Variants in CYP2C18 observed in about 807,000 individuals in gnomAD.
CYP2C18 encodes the protein cytochrome P450 family 2 subfamily C member 18, also known as cytochrome P450 2C18.
A neutral mutation model predicts 41.3 loss-of-function variants in CYP2C18; 38 were observed. The observed-to-expected ratio is 0.92, with a 90% CI of 0.71 to 1.21. CYP2C18 has a LOEUF of 1.21. Among genes scored for constraint, CYP2C18 ranks in the 50% most tolerant of loss-of-function variants. The pLI, the probability that CYP2C18 is intolerant of heterozygous loss-of-function variation, is 0.00. For synonymous variants in CYP2C18, 236 were observed against 210.0 expected (o/e 1.12, Z -1.07); for missense variants, 635 against 591.4 (o/e 1.07, Z -0.77).
At chr10:94,724,724 T>C (rs1847708844) in intron 7 of CYP2C18, among the ~76,000 whole-genome samples, 191 bp downstream of exon 7, 1 of 152,074 alleles carries the variant, frequency 6.6e-6, no homozygotes, top group South Asian at 2.1e-4. Flanking sequence ...TATCTAGCAG[T>C]GTATGTCTTC....
intron 4 of CYP2C18, among the ~76,000 whole-genome samples, chr10:94,702,998 G>A (rs1285537902): frequency 6.6e-6 from 1 of 152,154 alleles, no homozygotes; most frequent in Non-Finnish European, 1.5e-5. Context: ...CCCCTCTTCT[G>A]CAGGTCTGCT....
Position 94,725,315 on chromosome 10 carries a change from T to C in CYP2C18, c.1149+782T>C, listed in dbSNP as rs534198775. Among the ~76,000 whole-genome samples, 4 of 152,006 alleles carry C rather than the reference T, an allele frequency of 2.6e-5. No individual in the cohort carries two copies. In the East Asian group the frequency reaches 5.8e-4, roughly 22 times the overall value. ...GTACATGGAAATATAATTGACTTTATTATTTTGATGACCTTACATCAAGCA... is the reference window on the plus strand; with the variant it reads ...GTACATGGAAATATAATTGACTTTACTATTTTGATGACCTTACATCAAGCA... On this transcript the variant is annotated intron_variant, in intron 7 of 8. Coordinates refer to ENST00000285979, the MANE Select transcript of CYP2C18 (RefSeq NM_000772.3).
intron 5 of CYP2C18, among the ~76,000 whole-genome samples, chr10:94,713,311 C>G (rs1847473483): frequency 6.6e-6 from 1 of 152,058 alleles, no homozygotes; most frequent in Non-Finnish European, 1.5e-5. Context: ...AGGTATATCT[C>G]TTAATGCTAT....
chr10:94,718,221 A>G (rs372420329), intron 5 of CYP2C18, among the ~76,000 whole-genome samples: 2 of 152,090 alleles, frequency 1.3e-5, no homozygotes, highest in African/African-American at 4.8e-5. Flanking sequence ...AAATGGGTTT[A>G]TTTTTAAAAT....
intron 7 of CYP2C18, among the ~76,000 whole-genome samples, chr10:94,730,960 TCTA>T (rs1399073215): frequency 6.6e-6 from 1 of 152,074 alleles, no homozygotes; most frequent in Non-Finnish European, 1.5e-5. Flanking sequence ...TAGGAATACA[TCTA>T]ACCAAGGAAG....
At chr10:94,727,358 T>G (rs547892102) in intron 7 of CYP2C18, among the ~76,000 whole-genome samples, 2 of 152,182 alleles carry the variant, frequency 1.3e-5, no homozygotes, top group South Asian at 4.1e-4. Flanking sequence ...TTCCCATTTG[T>G]AATCCCAGCT....
chr10:94,728,690 C>T, intron 7 of CYP2C18: 1 of 652,966 alleles, frequency 1.5e-6, no homozygotes, highest in Non-Finnish European at 1.9e-6. Context: ...TTAATTAGAT[C>T]AGACCTCCAT....
intron 4 of CYP2C18, among the ~76,000 whole-genome samples, chr10:94,697,876 G>C (rs1397222000): frequency 1.3e-5 from 2 of 152,112 alleles, no homozygotes; most frequent in African/African-American, 4.8e-5. Context: ...GATCAAAAGA[G>C]ACAAACAAGG....
At position 94,688,137 on chromosome 10, in the gene CYP2C18, G is replaced by T; in HGVS notation, c.344G>T (p.Ser115Ile). The T allele has an allele frequency of 6.2e-7, 1 of 1,613,526 alleles. No homozygotes were observed. The highest frequency in any genetic ancestry group is 1.7e-4 in the Middle Eastern group (1 of 6,006). The stretch of plus-strand genomic sequence containing the variant: ...TCTGTTCTGCTAGGAATCCTTTTCA[G>T]CAATGGAAAGAGATGGAAGGAGATC... ...KVNKGLGILF[S>I]NGKRWKEIRR... The change falls in exon 3 of 9, where the codon AGC becomes ATC. Residue 115 changes from serine to isoleucine, a missense_variant. Ser to Ile is a moderately radical substitution (Grantham distance 142). Transcript: ENST00000285979.
chr10:94,725,234 C>T (rs993754604), intron 7 of CYP2C18, among the ~76,000 whole-genome samples: 2 of 151,222 alleles, frequency 1.3e-5, no homozygotes, highest in African/African-American at 4.8e-5. Flanking sequence ...GCCACTGCAC[C>T]TGGCTTTTAA....
At chr10:94,687,073 G>A (rs1159032287) in intron 1 of CYP2C18, among the ~76,000 whole-genome samples, 1 of 152,158 alleles carries the variant, frequency 6.6e-6, no homozygotes, top group Non-Finnish European at 1.5e-5. Context: ...GGTGGTAACA[G>A]AATATTTATG....
intron 6 of CYP2C18, among the ~76,000 whole-genome samples, chr10:94,721,154 C>T (rs1477346332): frequency 6.6e-6 from 1 of 152,046 alleles, no homozygotes; most frequent in Non-Finnish European, 1.5e-5. Flanking sequence ...GCTGGGATTA[C>T]AGGTGTACCC....
At chr10:94,721,880 A>G (rs1194955738) in intron 6 of CYP2C18, among the ~76,000 whole-genome samples, 1 of 151,252 alleles carries the variant, frequency 6.6e-6, no homozygotes, top group Non-Finnish European at 1.5e-5. Context: ...TAAATCCCAC[A>G]CATAACAATT....
chr10:94,731,386 A>T (rs1589808129), intron 7 of CYP2C18, among the ~76,000 whole-genome samples: 1 of 151,978 alleles, frequency 6.6e-6, no homozygotes, highest in Admixed American at 6.6e-5. Context: ...TCTCAAAAAA[A>T]AAATAAAATA....
intron 5 of CYP2C18, among the ~76,000 whole-genome samples, chr10:94,718,732 G>A (rs992165178): frequency 6.6e-6 from 1 of 152,086 alleles, no homozygotes; most frequent in African/African-American, 2.4e-5. Flanking sequence ...TAAACCTCTG[G>A]AAGTGCTTGT....
intron 5 of CYP2C18, among the ~76,000 whole-genome samples, chr10:94,719,065 G>A (rs1179627286): frequency 6.6e-6 from 1 of 152,144 alleles, no homozygotes; most frequent in Non-Finnish European, 1.5e-5. Flanking sequence ...GAATTGATCT[G>A]TGAATAGATA....
chr10:94,716,663 T>C (rs988975865), intron 5 of CYP2C18, among the ~76,000 whole-genome samples: 1 of 152,152 alleles, frequency 6.6e-6, no homozygotes, highest in Admixed American at 6.6e-5. Flanking sequence ...TTCTGTTGAT[T>C]TGGGGTGGAG....
At chr10:94,704,772 C>G (rs1352506656) in intron 4 of CYP2C18, among the ~76,000 whole-genome samples, 2 of 152,086 alleles carry the variant, frequency 1.3e-5, no homozygotes, top group East Asian at 1.9e-4. Flanking sequence ...TTTGAACATC[C>G]CATTTTCCAA....
At position 94,734,541 on chromosome 10, in the gene CYP2C18, A is replaced by C. The variant is rs147368145; in HGVS notation, c.1292-722A>C. On this transcript the variant is annotated intron_variant, in intron 8 of 8. Transcript: ENST00000285979. ...TGACTAGGGATCACAGAAATCATAA[A>C]GAGGAAATGACATGGGGCATAGCTT... is the stretch of plus-strand genomic sequence containing the variant. Among the ~76,000 whole-genome samples the C allele has an allele frequency of 1.2e-3, 182 of 152,336 alleles. No homozygotes were observed. In the Middle Eastern group the frequency reaches 0.017, roughly 14 times the overall value.
Sources: gnomAD v4.1 joint callset for allele counts (sites outside exome capture counted in the v4.1 genomes callset) on GRCh38, gnomAD v4.1.1 for gene constraint, MANE v1.5 for transcripts, NCBI Gene and HGNC (gene_info 2026-07-23, HGNC 2026-07-21) for gene names.